FHIT: variants seen among roughly 807,000 people sequenced by gnomAD.
FHIT encodes the protein fragile histidine triad diadenosine triphosphatase.
In FHIT, 19 loss-of-function variants were observed where a neutral mutation model predicts 17.9. The ratio of observed to expected loss-of-function variants is 1.06; its 90% CI spans 0.74 to 1.56. FHIT has a LOEUF of 1.56. FHIT is among the 40% of genes most tolerant of loss of function. FHIT has a pLI of 0.00. For missense variants in FHIT, 248 were observed against 189.2 expected, an observed-to-expected ratio of 1.31 and a Z score of -1.82; for synonymous variants, 81 against 69.7, an observed-to-expected ratio of 1.16 and a Z score of -0.81.
chr3:59,811,086 A>G (rs1700390878), intron 8 of FHIT, among the ~76,000 whole-genome samples: 1 of 152,198 alleles, frequency 6.6e-6, no homozygotes, highest in African/African-American at 2.4e-5. Flanking sequence ...ACCAGTCTCA[A>G]CCTCTCAGTG....
At chr3:60,538,972 A>G (rs1441592430) in intron 4 of FHIT, among the ~76,000 whole-genome samples, 3 of 152,134 alleles carry the variant, frequency 2.0e-5, no homozygotes, top group Non-Finnish European at 4.4e-5. Flanking sequence ...GCTTCTGCAC[A>G]GCAAAAGAAT....
At chr3:60,167,828 T>A (rs1402840581) in intron 5 of FHIT, among the ~76,000 whole-genome samples, 2 of 152,098 alleles carry the variant, frequency 1.3e-5, no homozygotes, top group African/African-American at 4.8e-5. Flanking sequence ...CTCAGGAATT[T>A]GAAACCAGCC....
At chr3:59,751,965 CTGGAGAA>C (rs1348553739) in intron 9 of FHIT, 1 of 406,246 alleles carries the variant, frequency 2.5e-6, no homozygotes, top group Non-Finnish European at 4.4e-6. Context: ...GCAGGAAAGA[CTGGAGAA>C]AGGTGGTGGT....
chr3:60,404,626 C>T (rs929759763), intron 5 of FHIT, among the ~76,000 whole-genome samples: 4 of 152,166 alleles, frequency 2.6e-5, no homozygotes, highest in African/African-American at 7.2e-5. Flanking sequence ...TCTAATGAGA[C>T]TATAGGCTTC....
chr3:60,100,921 T>C (rs1704165134), intron 5 of FHIT, among the ~76,000 whole-genome samples: 2 of 152,178 alleles, frequency 1.3e-5, no homozygotes, highest in African/African-American at 4.8e-5. Context: ...AGTAGTTATA[T>C]ATAAGCCATG....
intron 5 of FHIT, among the ~76,000 whole-genome samples, chr3:60,129,968 A>G (rs1699466371): frequency 6.6e-6 from 1 of 152,090 alleles, no homozygotes; most frequent in South Asian, 2.1e-4. Flanking sequence ...ATTTCTCTTT[A>G]GGATTATCTC....
intron 3 of FHIT, among the ~76,000 whole-genome samples, chr3:60,851,171 GT>G (rs1417709045): frequency 6.6e-6 from 1 of 152,158 alleles, no homozygotes; most frequent in Non-Finnish European, 1.5e-5. Context: ...AGATAGCTGA[GT>G]GGCATCTTAA....
intron 5 of FHIT, among the ~76,000 whole-genome samples, chr3:60,419,572 G>C (rs1226913000): frequency 6.6e-6 from 1 of 152,170 alleles, no homozygotes; most frequent in African/African-American, 2.4e-5. Flanking sequence ...TTTAATGCTA[G>C]GGGTGAGGTG....
chr3:60,002,246 T>A (rs1699757048), intron 7 of FHIT, among the ~76,000 whole-genome samples: 2 of 152,158 alleles, frequency 1.3e-5, no homozygotes, highest in Admixed American at 6.6e-5. Flanking sequence ...ATATTATCTT[T>A]ATGTTGAATA....
At chr3:61,145,091 G>T (rs566284808) in intron 2 of FHIT, among the ~76,000 whole-genome samples, 1 of 151,934 alleles carries the variant, frequency 6.6e-6, no homozygotes, top group Non-Finnish European at 1.5e-5. Flanking sequence ...TGTGCTTTTG[G>T]TATTGTATCT....
intron 5 of FHIT, among the ~76,000 whole-genome samples, chr3:60,480,597 G>C (rs1489194386): frequency 6.6e-6 from 1 of 152,190 alleles, no homozygotes; most frequent in Non-Finnish European, 1.5e-5. Context: ...ACAAATGAGA[G>C]AAATTGGCCA....
intron 4 of FHIT, among the ~76,000 whole-genome samples, chr3:60,560,798 AG>A (rs1229900889): frequency 7.6e-6 from 1 of 131,096 alleles, no homozygotes; most frequent in Non-Finnish European, 1.6e-5. Flanking sequence ...TACTGATGTA[AG>A]GAGACACACA....
intron 4 of FHIT, among the ~76,000 whole-genome samples, chr3:60,561,138 C>CACCAA (rs1396840888): frequency 6.6e-6 from 1 of 151,710 alleles, no homozygotes; most frequent in African/African-American, 2.4e-5. Context: ...TACTGTTGTA[C>CACCAA]ACCAAACCAA....
At chr3:60,720,128 G>C (rs1458963921) in intron 4 of FHIT, among the ~76,000 whole-genome samples, 3 of 152,118 alleles carry the variant, frequency 2.0e-5, no homozygotes, top group Non-Finnish European at 2.9e-5. Context: ...GGTTTCCTCT[G>C]CTCCAGAAGC....
chr3:59,769,814 A>G (rs1032098578), intron 8 of FHIT, among the ~76,000 whole-genome samples: 1 of 150,234 alleles, frequency 6.7e-6, no homozygotes, highest in African/African-American at 2.5e-5. Flanking sequence ...CCATTCTGCT[A>G]TTTAGGACAG....
chr3:60,910,345 G>A (rs528519172), intron 3 of FHIT, among the ~76,000 whole-genome samples: 2 of 152,002 alleles, frequency 1.3e-5, no homozygotes, highest in Non-Finnish European at 2.9e-5. Context: ...GGACTGTGAG[G>A]GGGGTGAGAG....
At chr3:59,804,894 G>A (rs779090222) in intron 8 of FHIT, among the ~76,000 whole-genome samples, 8 of 152,146 alleles carry the variant, frequency 5.3e-5, no homozygotes, top group Non-Finnish European at 1.0e-4. Flanking sequence ...CTAAGCATTT[G>A]GGGAAACCAC....
chr3:60,733,078 A>G (rs1267898306), intron 4 of FHIT, among the ~76,000 whole-genome samples: 1 of 152,180 alleles, frequency 6.6e-6, no homozygotes, highest in East Asian at 1.9e-4. Flanking sequence ...CATCTTTCAA[A>G]CTTTGCTGGA....
At chr3:60,631,840 A>T (rs1260097224) in intron 4 of FHIT, among the ~76,000 whole-genome samples, 1 of 152,152 alleles carries the variant, frequency 6.6e-6, no homozygotes, top group Admixed American at 6.5e-5. Context: ...GAAAACAATA[A>T]ATCACTTTGG....
Sources: gnomAD v4.1 joint callset for allele counts (sites outside exome capture counted in the v4.1 genomes callset) on GRCh38, gnomAD v4.1.1 for gene constraint, MANE v1.5 for transcripts, NCBI Gene and HGNC (gene_info 2026-07-23, HGNC 2026-07-21) for gene names.